The following USP10 variants were observed in gnomAD, a reference collection of about 807,000 sequenced individuals.
USP10 encodes ubiquitin specific peptidase 10, also known as ubiquitin carboxyl-terminal hydrolase 10.
In USP10, 22 loss-of-function variants were observed where a neutral mutation model predicts 84.5. The ratio of observed to expected loss-of-function variants is 0.26; its 90% CI spans 0.19 to 0.37. The LOEUF is 0.37. Ranked by LOEUF, USP10 falls within the 10% of genes least tolerant of loss-of-function variation. The probability of loss-of-function intolerance (pLI) is 1.00; values close to 1 mark genes in which losing one functional copy is unlikely to be tolerated. For synonymous variants in USP10, 454 were observed against 387.6 expected, an observed-to-expected ratio of 1.17 and a Z score of -2.01; for missense variants, 1,019 against 998.9, an observed-to-expected ratio of 1.02 and a Z score of -0.27.
At chr16:84,768,910 C>T (rs1410837534) in intron 11 of USP10, among the ~76,000 whole-genome samples, 1 of 152,164 alleles carries the variant, frequency 6.6e-6, no homozygotes, top group Admixed American at 6.5e-5. Flanking sequence ...TTAAGAGTAT[C>T]ACATTATAGC....
intron 10 of USP10, among the ~76,000 whole-genome samples, chr16:84,764,939 A>AAAAAATATATATATATAT (rs370383030): frequency 8.3e-5 from 11 of 132,268 alleles, no homozygotes; most frequent in African/African-American, 3.1e-4. Flanking sequence ...GAGAAAAAAA[A>AAAAAATATATATATATAT]ATATATATAT....
chr16:84,731,254 C>T lies in USP10; in HGVS notation c.22-2181C>T, dbSNP rs149061202. ...TCGGCCTCCCAGAGTGCTGGGATTACAGGTGTGAGCCACCGCTCCCGGCCT... is the reference window on the plus strand; with the variant it reads ...TCGGCCTCCCAGAGTGCTGGGATTATAGGTGTGAGCCACCGCTCCCGGCCT... On this transcript the variant is annotated intron_variant, in intron 1 of 13. Transcript: ENST00000219473. 6.6e-3 allele frequency among the ~76,000 whole-genome samples: 997 copies of T among 151,420 alleles called. 11 individuals are homozygous for T. The highest frequency in any genetic ancestry group is 0.01 in the Non-Finnish European group (709 of 67,906).
chr16:84,758,655 G>A (rs1445483166), intron 4 of USP10, 61 bp from the exon 5 acceptor site: 1 of 1,186,358 alleles, frequency 8.4e-7, no homozygotes, highest in African/African-American at 1.5e-5. Context: ...CATGTGAAAT[G>A]ATTTGAATGT....
intron 11 of USP10, 60 bp from the exon 12 acceptor site, chr16:84,772,481 T>C: frequency 6.2e-7 from 1 of 1,601,406 alleles, no homozygotes; most frequent in Non-Finnish European, 8.5e-7. Context: ...AAGGTGGATG[T>C]GGTGTTAGCT....
At chr16:84,740,444 A>AT (rs1336433079) in intron 3 of USP10, 75 bp downstream of exon 3, 1 of 1,180,062 alleles carries the variant, frequency 8.5e-7, no homozygotes, top group Non-Finnish European at 1.2e-6. Context: ...ACCTGTAAAC[A>AT]TTGTTTCCCA....
chr16:84,728,848 G>A (rs550055742), intron 1 of USP10, among the ~76,000 whole-genome samples: 5 of 151,938 alleles, frequency 3.3e-5, no homozygotes, highest in Non-Finnish European at 7.4e-5. Flanking sequence ...ATTCAGGCTG[G>A]AGTGTAGTGG....
intron 2 of USP10, among the ~76,000 whole-genome samples, chr16:84,737,763 A>C (rs1448040565): frequency 6.6e-6 from 1 of 152,162 alleles, no homozygotes; most frequent in African/African-American, 2.4e-5. Context: ...CTCATCTGTC[A>C]GAGGGCCACA....
At chr16:84,728,025 C>T (rs1185971000) in intron 1 of USP10, among the ~76,000 whole-genome samples, 3 of 152,218 alleles carry the variant, frequency 2.0e-5, no homozygotes, top group Non-Finnish European at 4.4e-5. Flanking sequence ...AAGTTTCCCA[C>T]AGCCTTTCAG....
At chr16:84,756,177 T>C (rs1912517628) in intron 4 of USP10, among the ~76,000 whole-genome samples, 1 of 149,602 alleles carries the variant, frequency 6.7e-6, no homozygotes, top group Non-Finnish European at 1.5e-5. Flanking sequence ...GTCCCTTCAC[T>C]GGTCTGCGAG....
intron 8 of USP10, among the ~76,000 whole-genome samples, chr16:84,760,594 G>A (rs1913098110): frequency 6.6e-6 from 1 of 152,210 alleles, no homozygotes; most frequent in Non-Finnish European, 1.5e-5. Flanking sequence ...CTTAACCACT[G>A]CACTATATGC....
Position 84,700,001 on chromosome 16 carries a change from A to C in USP10, c.-90A>C, listed in dbSNP as rs1295057717. The C allele has an allele frequency of 3.5e-5, 42 of 1,203,300 alleles. No individual in the cohort carries two copies. The highest frequency in any genetic ancestry group is 3.4e-4 in the Middle Eastern group (1 of 2,922). 74.5% of individuals were successfully genotyped at this position (1,203,300 alleles called of 1,614,324 possible). A position where few individuals can be genotyped will look rare whatever the true frequency, so the allele number is the denominator to read the frequency against. On this transcript the variant is annotated 5_prime_UTR_variant, in exon 1 of 14. Coordinates refer to ENST00000219473, the MANE Select transcript of USP10 (RefSeq NM_005153.3). ...GTGCGCAGGCGCGGCGGCCGATGCG[A>C]GTGTGTATGTGCGGGCGAGAAGATG...
At chr16:84,775,628 T>C (rs898107385) in intron 13 of USP10, among the ~76,000 whole-genome samples, 1 of 152,178 alleles carries the variant, frequency 6.6e-6, no homozygotes, top group African/African-American at 2.4e-5. Context: ...CGGTGATCCC[T>C]GCGTCCTCCC....
intron 1 of USP10, among the ~76,000 whole-genome samples, chr16:84,707,896 T>G (rs573048170): frequency 5.3e-5 from 8 of 151,936 alleles, no homozygotes; most frequent in African/African-American, 1.7e-4. Context: ...CTGGGCAACG[T>G]AGCAAAACTC....
intron 1 of USP10, among the ~76,000 whole-genome samples, chr16:84,710,435 G>T (rs919860614): frequency 7.2e-5 from 11 of 152,122 alleles, no homozygotes; most frequent in African/African-American, 2.7e-4. Context: ...TGAGGGGAAA[G>T]AAGTAGGGCA....
At chr16:84,716,397 C>T (rs1406533438) in intron 1 of USP10, 1 of 152,136 alleles carries the variant, frequency 6.6e-6, no homozygotes, top group East Asian at 1.9e-4. Flanking sequence ...GTTGGTTTCT[C>T]TGAACTTTTA....
At chr16:84,702,359 C>T (rs1405419825) in intron 1 of USP10, among the ~76,000 whole-genome samples, 1 of 151,962 alleles carries the variant, frequency 6.6e-6, no homozygotes, top group Admixed American at 6.6e-5. Context: ...TGCGCCTGGC[C>T]GATTTCTCAT....
intron 1 of USP10, chr16:84,704,954 T>A (rs981114415): frequency 2.7e-5 from 41 of 1,520,906 alleles, no homozygotes; most frequent in Admixed American, 2.0e-4. Flanking sequence ...GTTAGGAGAA[T>A]GTGCATGTGG....
chr16:84,757,275 G>T (rs1399901666), intron 4 of USP10, among the ~76,000 whole-genome samples: 1 of 152,110 alleles, frequency 6.6e-6, no homozygotes, highest in Non-Finnish European at 1.5e-5. Context: ...TAATTAAACA[G>T]ATTCCACAGA....
chr16:84,772,329 G>A (rs1203119300), intron 11 of USP10, among the ~76,000 whole-genome samples: 1 of 152,124 alleles, frequency 6.6e-6, no homozygotes, highest in East Asian at 1.9e-4. Context: ...GGGATTAATG[G>A]GCATGAGCCA....
Sources: allele counts gnomAD v4.1 joint callset (sites outside exome capture counted in the v4.1 genomes callset), GRCh38; gene constraint gnomAD v4.1.1; transcripts MANE v1.5; gene names NCBI Gene and HGNC (gene_info 2026-07-23, HGNC 2026-07-21).